The following PCDHGA2 variants were observed in gnomAD, a reference collection of about 807,000 sequenced individuals.
The protein encoded by PCDHGA2 is protocadherin gamma-A2.
Under a neutral mutation model 59.2 loss-of-function variants are expected in PCDHGA2, and 40 were observed. That is an observed-to-expected ratio of 0.68 (90% confidence interval 0.52 to 0.88). The LOEUF is 0.88. Among genes scored for constraint, PCDHGA2 ranks in the 40% least tolerant of loss-of-function variants. The pLI, the probability that PCDHGA2 is intolerant of heterozygous loss-of-function variation, is 0.00. For missense variants in PCDHGA2, 1,226 were observed against 1,204.0 expected (o/e 1.02, Z -0.27); for synonymous variants, 560 against 526.0 (o/e 1.06, Z -0.89).
Position 141,455,633 on chromosome 5 carries a change from G to A in PCDHGA2, c.2425-39174G>A, listed in dbSNP as rs1049071525. On this transcript the variant is annotated intron_variant, in intron 1 of 3. Coordinates refer to ENST00000394576, the MANE Select transcript of PCDHGA2 (RefSeq NM_018915.4). ...ATGTTCTAAACACGTGGAGATATGT[G>A]GGGGGCAGCCATGTGGCCAGGAACT... Among the ~76,000 whole-genome samples, 19 of 152,198 alleles carry A rather than the reference G, an allele frequency of 1.2e-4. No homozygotes were observed. In the East Asian group the frequency reaches 3.1e-3, roughly 25 times the overall value.
At chr5:141,378,150 T>C (rs915126320) in intron 1 of PCDHGA2, 8 of 152,250 alleles carry the variant, frequency 5.3e-5, no homozygotes, top group African/African-American at 1.7e-4. Flanking sequence ...ATTATAATTA[T>C]TGGGTTGTTA....
intron 1 of PCDHGA2, chr5:141,355,801 G>A (rs1023672540): frequency 1.2e-6 from 2 of 1,613,404 alleles, no homozygotes; most frequent in African/African-American, 2.7e-5. Context: ...ACGCGCTCTA[G>A]ATCGCGAGGA....
In PCDHGA2 at chr5:141,501,310, C is replaced by T. The variant is rs958976594; in HGVS notation, c.2484-4083C>T. ...CCTTATACACACACACACACACACA[C>T]ACACACACACACACACACACACACC... On this transcript the variant is annotated intron_variant, in intron 2 of 3. Transcript: ENST00000394576. Among the ~76,000 whole-genome samples, 4 of 151,684 alleles carry T rather than the reference C, an allele frequency of 2.6e-5. No individual in the cohort carries two copies. The South Asian group carries it at 8.3e-4, about 32-fold the overall frequency.
Position 141,486,046 on chromosome 5 carries a change from C to G in PCDHGA2, c.2425-8761C>G. 1.2e-6 allele frequency: 2 copies of G among 1,614,170 alleles called. No individual in the cohort carries two copies. Among genetic ancestry groups the G allele is most frequent in the Non-Finnish European group, 1.7e-6 (2 of 1,180,036 alleles). The stretch of plus-strand genomic sequence containing the variant: ...GTCATACCCCTGATCGTGTAAGAAA[C>G]CTCTTTAGCCTGCACCCCACTACTG... On this transcript the variant is annotated intron_variant, in intron 1 of 3. Coordinates refer to ENST00000394576, the MANE Select transcript of PCDHGA2 (RefSeq NM_018915.4). This position sits in a 1 kb window ranked among gnomAD's most constrained non-coding sequence, Gnocchi z 5.0.
intron 1 of PCDHGA2, chr5:141,355,939 T>G: frequency 6.2e-7 from 1 of 1,613,842 alleles, no homozygotes; most frequent in Non-Finnish European, 8.5e-7. Context: ...TCAGCCCGAG[T>G]ACCACGTAAG....
rs545261528 is a variant in PCDHGA2 at position 141,404,038 on chromosome 5, G to C, written c.2424+62643G>C. 4.3e-6 allele frequency: 7 copies of C among 1,613,858 alleles called. No individual in the cohort carries two copies. The African/African-American group carries it at 8.0e-5, about 18-fold the overall frequency. ...GCCCAGTGAGAGAAGACGCACCTCA[G>C]GGAACAGTAATTCTTCTTTTCAATG... On this transcript the variant is annotated intron_variant, in intron 1 of 3. Coordinates refer to ENST00000394576, the MANE Select transcript of PCDHGA2 (RefSeq NM_018915.4).
chr5:141,387,926 G>A (rs888934094), intron 1 of PCDHGA2: 1 of 1,236,078 alleles, frequency 8.1e-7, no homozygotes, highest in South Asian at 1.5e-5. Context: ...CTGAGAGGCT[G>A]CCAGTGCTCT....
chr5:141,374,191 C>G lies in PCDHGA2; in HGVS notation c.2424+32796C>G, dbSNP rs780279453. On this transcript the variant is annotated intron_variant, in intron 1 of 3. Coordinates refer to ENST00000394576, the MANE Select transcript of PCDHGA2 (RefSeq NM_018915.4). ...CAGCGCAGATCCGCTACTCTATTCC[C>G]GAGGAGCTGGAGAAAGGCTCCTTCG... The G allele has an allele frequency of 6.2e-6, 10 of 1,613,664 alleles. No homozygotes were observed. In the Admixed American group the frequency reaches 1.5e-4, roughly 24 times the overall value.
intron 1 of PCDHGA2, chr5:141,389,206 G>A: frequency 6.2e-7 from 1 of 1,614,014 alleles, no homozygotes; most frequent in Non-Finnish European, 8.5e-7. Context: ...CTGCACATTG[G>A]TGATGTAAAT....
intron 1 of PCDHGA2, chr5:141,365,891 G>A (rs1764189637): frequency 1.2e-6 from 2 of 1,614,018 alleles, no homozygotes; most frequent in Non-Finnish European, 1.7e-6. Flanking sequence ...GAGATCCTTC[G>A]ACTATGAGCA....
chr5:141,346,552 G>T (rs1464765886), intron 1 of PCDHGA2: 1 of 1,518,562 alleles, frequency 6.6e-7, no homozygotes, highest in Non-Finnish European at 8.9e-7. Context: ...ATAAAGCCAT[G>T]AGGTTGTCAT....
intron 1 of PCDHGA2, among the ~76,000 whole-genome samples, chr5:141,482,800 G>C (rs10052648): frequency 0.023 from 2,992 of 130,874 alleles, 96 homozygotes; most frequent in African/African-American, 0.087. Context: ...GGCCGGGTAC[G>C]GTGGCTCATG....
At chr5:141,410,413 T>C (rs1229133377) in intron 1 of PCDHGA2, 10 of 1,613,938 alleles carry the variant, frequency 6.2e-6, no homozygotes, top group Non-Finnish European at 8.5e-6. Context: ...AGTCTGGACC[T>C]GTAGTTCCCC....
At chr5:141,433,040 A>G in intron 1 of PCDHGA2, 1 of 1,614,086 alleles carries the variant, frequency 6.2e-7, no homozygotes, top group Non-Finnish European at 8.5e-7. Flanking sequence ...TTCCCTCACC[A>G]CGGACTCGCG....
intron 1 of PCDHGA2, among the ~76,000 whole-genome samples, chr5:141,492,090 C>T (rs751238997): frequency 1.4e-4 from 21 of 152,258 alleles, no homozygotes; most frequent in Admixed American, 6.5e-5. Flanking sequence ...GCACGCTTCG[C>T]CGGTCTGTAG....
chr5:141,427,995 G>C (rs1292989797), intron 1 of PCDHGA2: 2 of 1,599,590 alleles, frequency 1.3e-6, no homozygotes, highest in African/African-American at 2.7e-5. Flanking sequence ...CGATGGCTCC[G>C]CACTCTTCGA....
intron 1 of PCDHGA2, chr5:141,441,889 GT>G: frequency 2.9e-6 from 1 of 346,022 alleles, no homozygotes; most frequent in South Asian, 2.6e-5. Flanking sequence ...GGTCACCAAG[GT>G]GGTGGCTGTA....
Position 141,485,267 on chromosome 5 carries a change from C to T in PCDHGA2, c.2425-9540C>T, listed in dbSNP as rs767229426. On this transcript the variant is annotated intron_variant, in intron 1 of 3. Transcript: ENST00000394576. This position sits in a 1 kb window ranked among gnomAD's most constrained non-coding sequence, Gnocchi z 5.7. ...CCTGGGTTACGTTTGTGGGCAGATC[C>T]GCTACCCGGTCCCAGAGGAGTCACA... is the stretch of plus-strand genomic sequence containing the variant. 6.2e-7 allele frequency: 1 copy of T among 1,614,088 alleles called. No homozygotes were observed. Among genetic ancestry groups the T allele is most frequent in the South Asian group, 1.1e-5 (1 of 91,082 alleles).
chr5:141,389,832 C>G (rs758113562), intron 1 of PCDHGA2: 1 of 1,613,966 alleles, frequency 6.2e-7, no homozygotes, highest in Admixed American at 1.7e-5. Context: ...CGGTGGACAG[C>G]CACCACTCTC....
Sources: gnomAD v4.1 joint callset for allele counts (sites outside exome capture counted in the v4.1 genomes callset) on GRCh38, gnomAD v4.1.1 for gene constraint, Gnocchi (gnomAD v3.1) non-coding constraint, MANE v1.5 for transcripts, NCBI Gene and HGNC (gene_info 2026-07-23, HGNC 2026-07-21) for gene names.